Variants in DCC observed in about 807,000 individuals in gnomAD.
DCC encodes the protein DCC netrin 1 receptor.
DCC carries 58 observed loss-of-function variants against 172.5 expected under a neutral mutation model. The ratio of observed to expected loss-of-function variants is 0.34; its 90% CI spans 0.27 to 0.42. The LOEUF (loss-of-function observed/expected upper bound fraction) is 0.42. Ranked by LOEUF, DCC falls within the 10% of genes least tolerant of loss-of-function variation. The pLI is 1.00. For synonymous variants in DCC, 709 were observed against 644.5 expected (o/e 1.10, Z -1.52); for missense variants, 1,740 against 1,791.0 (o/e 0.97, Z 0.51).
At chr18:52,691,859 T>C (rs985877080) in intron 1 of DCC, among the ~76,000 whole-genome samples, 22 of 152,176 alleles carry the variant, frequency 1.4e-4, no homozygotes, top group African/African-American at 4.6e-4. Context: ...ACTCAAATGT[T>C]AATTTGACCT....
intron 1 of DCC, among the ~76,000 whole-genome samples, chr18:52,573,501 T>G (rs1011763531): frequency 2.0e-5 from 3 of 152,202 alleles, no homozygotes; most frequent in African/African-American, 7.2e-5. Flanking sequence ...AATGCAACTT[T>G]CCTTACCAGA....
intron 9 of DCC, among the ~76,000 whole-genome samples, chr18:53,186,761 A>G (rs1260280667): frequency 6.6e-6 from 1 of 152,208 alleles, no homozygotes; most frequent in African/African-American, 2.4e-5. Context: ...TGTAATTTAT[A>G]AAGGATAGAA....
intron 1 of DCC, among the ~76,000 whole-genome samples, chr18:52,722,194 C>G (rs896256425): frequency 2.6e-5 from 4 of 152,136 alleles, no homozygotes; most frequent in Admixed American, 6.5e-5. Context: ...GTCTACTCCC[C>G]CTCCCAAAAG....
At chr18:53,485,013 T>C (rs943768071) in intron 25 of DCC, among the ~76,000 whole-genome samples, 61 of 152,130 alleles carry the variant, frequency 4.0e-4, no homozygotes, top group African/African-American at 1.4e-3. Context: ...TGGGGAGATG[T>C]AGGCCAAAGA....
At chr18:52,516,751 T>A (rs954003172) in intron 1 of DCC, among the ~76,000 whole-genome samples, 2 of 152,324 alleles carry the variant, frequency 1.3e-5, no homozygotes, top group Middle Eastern at 3.4e-3. Flanking sequence ...TAATAACCTT[T>A]ATTTTTTTTC....
intron 7 of DCC, among the ~76,000 whole-genome samples, chr18:53,087,585 G>C (rs1568296354): frequency 6.6e-6 from 1 of 152,232 alleles, no homozygotes; most frequent in African/African-American, 2.4e-5. Context: ...TTCTTTTGCT[G>C]TGCAGAAGCT....
At position 53,258,676 on chromosome 18, in the gene DCC, A is replaced by G. The variant is rs140950371; in HGVS notation, c.1911+43079A>G. The stretch of plus-strand genomic sequence containing the variant: ...ATAGGTGTGGTGTTGTGCTGAAAAG[A>G]ATGTATATTCTGTTGATTTGGGGTA... On this transcript the variant is annotated intron_variant, in intron 12 of 28. Coordinates refer to ENST00000442544, the MANE Select transcript of DCC (RefSeq NM_005215.4). Among the ~76,000 whole-genome samples the G allele has an allele frequency of 2.0e-4, 30 of 152,312 alleles. No individual in the cohort carries two copies. The East Asian group carries it at 5.8e-3, about 29-fold the overall frequency.
chr18:52,457,967 G>C (rs1988510879), intron 1 of DCC, among the ~76,000 whole-genome samples: 1 of 152,142 alleles, frequency 6.6e-6, no homozygotes, highest in Non-Finnish European at 1.5e-5. Flanking sequence ...AGCAAAGTGG[G>C]TCTGTCCTGG....
At chr18:52,663,289 A>G (rs2035398393) in intron 1 of DCC, among the ~76,000 whole-genome samples, 1 of 152,186 alleles carries the variant, frequency 6.6e-6, no homozygotes, top group African/African-American at 2.4e-5. Context: ...AAGAACCAAT[A>G]AAGAGGAAGA....
At chr18:53,236,443 T>C (rs935494958) in intron 12 of DCC, among the ~76,000 whole-genome samples, 4 of 152,136 alleles carry the variant, frequency 2.6e-5, no homozygotes, top group African/African-American at 9.6e-5. Context: ...TTACACATTT[T>C]AGGAAAACAT....
chr18:53,418,287 G>T (rs1190484186), intron 21 of DCC, among the ~76,000 whole-genome samples: 1 of 152,108 alleles, frequency 6.6e-6, no homozygotes, highest in Non-Finnish European at 1.5e-5. Flanking sequence ...TATAAAATTT[G>T]CTGCACCCTC....
intron 1 of DCC, among the ~76,000 whole-genome samples, chr18:52,465,555 T>A (rs993263688): frequency 2.0e-5 from 3 of 152,116 alleles, no homozygotes; most frequent in Non-Finnish European, 2.9e-5. Flanking sequence ...GGACTTGGAC[T>A]TGGGCTTCAC....
chr18:52,674,099 A>G (rs190130486), intron 1 of DCC, among the ~76,000 whole-genome samples: 61 of 152,330 alleles, frequency 4.0e-4, no homozygotes, highest in African/African-American at 1.5e-3. Context: ...GAAGTCATGA[A>G]TAAGTCCAGA....
intron 5 of DCC, chr18:52,931,795 C>T (rs1168513549): frequency 1.3e-5 from 2 of 151,948 alleles, no homozygotes; most frequent in African/African-American, 2.4e-5. Context: ...CAGTAATCAT[C>T]GATAAAGTAT....
chr18:52,432,183 A>T (rs1035733272), intron 1 of DCC, among the ~76,000 whole-genome samples: 1 of 151,946 alleles, frequency 6.6e-6, no homozygotes, highest in Non-Finnish European at 1.5e-5. Flanking sequence ...ACCACTGCTT[A>T]TCTCCACCGT....
intron 5 of DCC, among the ~76,000 whole-genome samples, chr18:52,980,116 G>A (rs1365823200): frequency 2.6e-5 from 4 of 152,112 alleles, no homozygotes; most frequent in African/African-American, 7.2e-5. Context: ...GGAGAGTGAT[G>A]CTTGATGCTT....
chr18:53,043,320 G>A (rs548255649), intron 5 of DCC, among the ~76,000 whole-genome samples: 2 of 151,834 alleles, frequency 1.3e-5, no homozygotes, highest in African/African-American at 4.8e-5. Context: ...CTGGGGGTTG[G>A]GGGGCAAGGG....
At chr18:52,927,632 A>C (rs2040239677) in intron 5 of DCC, among the ~76,000 whole-genome samples, 1 of 152,068 alleles carries the variant, frequency 6.6e-6, no homozygotes, top group African/African-American at 2.4e-5. Context: ...TATGTAAAAA[A>C]TATTGAAAAT....
intron 12 of DCC, among the ~76,000 whole-genome samples, chr18:53,256,901 G>A (rs1032389474): frequency 6.6e-6 from 1 of 152,128 alleles, no homozygotes; most frequent in African/African-American, 2.4e-5. Flanking sequence ...GCAGTGTTTT[G>A]TAGTTCTCCT....
Sources: gnomAD v4.1 joint callset for allele counts (sites outside exome capture counted in the v4.1 genomes callset) on GRCh38, gnomAD v4.1.1 for gene constraint, MANE v1.5 for transcripts, NCBI Gene and HGNC (gene_info 2026-07-23, HGNC 2026-07-21) for gene names.